Variants in ARAP3 observed in about 807,000 individuals in gnomAD.
ARAP3 encodes the protein ArfGAP with RhoGAP domain, ankyrin repeat and PH domain 3.
A neutral mutation model predicts 169.2 loss-of-function variants in ARAP3; 82 were observed. That is an observed-to-expected ratio of 0.48 (90% CI 0.41 to 0.58). The LOEUF is 0.58. Among genes scored for constraint, ARAP3 ranks in the 20% least tolerant of loss-of-function variants. The pLI, the probability that ARAP3 is intolerant of heterozygous loss-of-function variation, is 0.00. For synonymous variants in ARAP3, 791 were observed against 800.3 expected, an observed-to-expected ratio of 0.99 and a Z score of 0.20; for missense variants, 1,764 against 2,018.0, an observed-to-expected ratio of 0.87 and a Z score of 2.41.
Position 141,680,101 on chromosome 5 carries a change from G to C in ARAP3, c.386C>G (p.Pro129Arg). 6.2e-7 allele frequency: 1 copy of C among 1,613,458 alleles called. No homozygotes were observed. The highest frequency in any genetic ancestry group is 1.1e-5 in the South Asian group (1 of 91,038). ...AGGAGGAGGCCTTGGGCTGGGCTCT[G>C]GGCTCCTGGACACTCCTGGTCCCCC... ...ALGGPGVSRS[P>R]EPSPRPPPLP... is the part of the protein sequence containing the mutation. Residue 129 changes from proline (P) to arginine (R), a missense_variant, in exon 2 of 33, where the codon CCA becomes CGA. Transcript: ENST00000239440.
intron 16 of ARAP3, among the ~76,000 whole-genome samples, chr5:141,668,145 A>C (rs2099910922): frequency 6.6e-6 from 1 of 152,024 alleles, no homozygotes; most frequent in Admixed American, 6.6e-5. Context: ...ACAGGGCCTC[A>C]CTTAGGCTGG....
intron 16 of ARAP3, among the ~76,000 whole-genome samples, chr5:141,669,238 G>A (rs1257138813): frequency 6.6e-6 from 1 of 152,198 alleles, no homozygotes; most frequent in Non-Finnish European, 1.5e-5. Flanking sequence ...GCATACAGGA[G>A]AGAGATACTG....
In ARAP3 at chr5:141,671,972, G is replaced by A. The variant is rs778849352; in HGVS notation, c.1594C>T (p.Arg532Trp). 7 of 1,613,990 alleles carry A rather than the reference G, an allele frequency of 4.3e-6. No homozygotes were observed. Among genetic ancestry groups the A allele is most frequent in the African/African-American group, 1.3e-5 (1 of 74,884 alleles). The change falls in exon 11 of 33, where the codon CGG (arginine) becomes TGG (tryptophan). Residue 532 changes from arginine (R) to tryptophan (W), a missense_variant. This residue lies in a region of ARAP3 where 22 missense variants were observed against 53.6 expected (regional missense o/e 0.41). Coordinates refer to ENST00000239440, the MANE Select transcript of ARAP3 (RefSeq NM_022481.6). The surrounding 1 kb of genome is among the most constrained non-coding windows in gnomAD (Gnocchi z 4.9). The stretch of plus-strand genomic sequence containing the variant: ...TTGGAGATCCCAGAACCCAGGGCCC[G>A]GTGCTGACCTGTGAGGGTGTGAGGG... The part of the protein sequence containing the change: ...VICKQCAGQH[R>W]ALGSGISKVQ...
chr5:141,660,521 A>T (rs1229092193), intron 21 of ARAP3, among the ~76,000 whole-genome samples: 1 of 151,828 alleles, frequency 6.6e-6, no homozygotes, highest in Admixed American at 6.6e-5. Flanking sequence ...AAATATATAC[A>T]TGAATGGGTG....
intron 4 of ARAP3, among the ~76,000 whole-genome samples, chr5:141,676,655 G>A (rs370361891): frequency 3.3e-5 from 5 of 152,110 alleles, no homozygotes; most frequent in African/African-American, 1.2e-4. Flanking sequence ...TTGCTCCTAT[G>A]ACATCACATT....
At chr5:141,655,997 A>C in intron 29 of ARAP3, 65 bp from the exon 30 acceptor site, 3 of 1,613,718 alleles carry the variant, frequency 1.9e-6, no homozygotes, top group Non-Finnish European at 2.5e-6. Context: ...GGAGCATACA[A>C]AGAGGGAAGA....
At chr5:141,668,111 A>G (rs1030245051) in intron 16 of ARAP3, among the ~76,000 whole-genome samples, 4 of 151,360 alleles carry the variant, frequency 2.6e-5, no homozygotes, top group African/African-American at 9.7e-5. Flanking sequence ...GAAGAATACA[A>G]CCCGACCCGC....
chr5:141,678,615 C>G (rs6580198), intron 4 of ARAP3, among the ~76,000 whole-genome samples: 44,057 of 151,484 alleles, frequency 0.29, 6,696 homozygotes, highest in African/African-American at 0.38. Flanking sequence ...AGCCTCCTAA[C>G]TAGCTGGGAT....
In ARAP3 at chr5:141,659,909, G is replaced by A. The variant is rs1188296413; in HGVS notation, c.3137C>T (p.Ala1046Val). The change falls in exon 22 of 33, where the codon GCT becomes GTT. Residue 1046 changes from alanine (A) to valine (V), a missense_variant. Ala to Val is a moderately conservative substitution (Grantham distance 64). This residue lies in a region of ARAP3 where 1,112 missense variants were observed against 1,285.7 expected (regional missense o/e 0.86). Coordinates refer to ENST00000239440, the MANE Select transcript of ARAP3 (RefSeq NM_022481.6). Reference protein sequence around the residue: ...GHLYRVQKCAALNQMCTRNLA... With the variant: ...GHLYRVQKCAVLNQMCTRNLA... Reference sequence around the variant, plus strand: ...GTTCCGCGTGCACATCTGGTTTAGAGCCGCACATTTCTGCACCCTGCAGAG... The same window carrying A: ...GTTCCGCGTGCACATCTGGTTTAGAACCGCACATTTCTGCACCCTGCAGAG... 1 of 1,570,260 alleles carries A rather than the reference G, an allele frequency of 6.4e-7. No individual in the cohort carries two copies. Among genetic ancestry groups the A allele is most frequent in the Non-Finnish European group, 8.6e-7 (1 of 1,156,840 alleles).
At chr5:141,658,240 G>T in intron 25 of ARAP3, 125 bp downstream of exon 25, 1 of 882,346 alleles carries the variant, frequency 1.1e-6, no homozygotes, top group Non-Finnish European at 1.8e-6. Flanking sequence ...TCGCATGGAT[G>T]AGTGGATGAG....
In ARAP3 at chr5:141,661,754, T is replaced by G; in HGVS notation, c.3049A>C (p.Lys1017Gln). 6 of 1,614,194 alleles carry G rather than the reference T, an allele frequency of 3.7e-6. No individual in the cohort carries two copies. The highest frequency in any genetic ancestry group is 5.1e-6 in the Non-Finnish European group (6 of 1,180,048). Residue 1017 changes from lysine to glutamine, a missense_variant, in exon 21 of 33, where the codon AAA becomes CAA. By Grantham distance (53) the Lys-to-Gln change is moderately conservative. Around this residue, in one of 3 missense-constraint regions of ARAP3, gnomAD observed 1,112 missense variants for 1,285.7 expected, o/e 0.86. Coordinates refer to ENST00000239440, the MANE Select transcript of ARAP3 (RefSeq NM_022481.6). ...PQKNQRLEKY[K>Q]DVIGCLPRVN... Reference sequence around the variant, plus strand: ...CGCGGCAGGCAGCCAATCACATCTTTATATTTCTCCAGGCGCTGATTCTTC... The same window carrying G: ...CGCGGCAGGCAGCCAATCACATCTTGATATTTCTCCAGGCGCTGATTCTTC...
chr5:141,661,151 C>T (rs1596478948), intron 21 of ARAP3, among the ~76,000 whole-genome samples: 1 of 151,554 alleles, frequency 6.6e-6, no homozygotes, highest in East Asian at 1.9e-4. Context: ...GCAACCTCCA[C>T]CTCCTGTGCT....
intron 32 of ARAP3, 135 bp downstream of exon 32, chr5:141,655,225 TAC>T (rs148481472): frequency 0.15 from 74,374 of 481,584 alleles, 1,859 homozygotes; most frequent in East Asian, 0.21. Flanking sequence ...CCTGATGGCC[TAC>T]ACACACACAC....
intron 14 of ARAP3, 68 bp downstream of exon 14, chr5:141,670,444 C>A: frequency 6.7e-7 from 1 of 1,484,582 alleles, no homozygotes. Context: ...CTCTTTGTCC[C>A]TCTGCAGTAC....
Position 141,672,810 on chromosome 5 carries a change from C to A in ARAP3, c.1209G>T (p.Leu403=), listed in dbSNP as rs2099911626. Residue 403 remains leucine, a synonymous_variant, in exon 8 of 33, where the codon CTG becomes CTT. Coordinates refer to ENST00000239440, the MANE Select transcript of ARAP3 (RefSeq NM_022481.6). This position sits in a 1 kb window ranked among gnomAD's most constrained non-coding sequence, Gnocchi z 4.9. ...PRPLRTGMLE[L]RGHKAKVFAA... is the part of the protein sequence containing the mutation. The stretch of plus-strand genomic sequence containing the variant: ...CAAACACCTTGGCCTTGTGTCCACG[C>A]AGCTCCAGCATGCCCGTGCGGAGGG... The A allele has an allele frequency of 1.2e-6, 2 of 1,613,706 alleles. No individual in the cohort carries two copies. Among genetic ancestry groups the A allele is most frequent in the African/African-American group, 1.3e-5 (1 of 74,840 alleles).
At chr5:141,661,419 T>C (rs927873194) in intron 21 of ARAP3, among the ~76,000 whole-genome samples, 3 of 152,208 alleles carry the variant, frequency 2.0e-5, no homozygotes, top group African/African-American at 7.2e-5. Flanking sequence ...ACATCATCCA[T>C]TACTTCCTTT....
chr5:141,660,268 G>A (rs545472128), intron 21 of ARAP3, among the ~76,000 whole-genome samples: 152 of 152,164 alleles, frequency 1.0e-3, no homozygotes, highest in Non-Finnish European at 2.8e-4. Context: ...CGAGGCAGGC[G>A]GATCACGAGG....
At chr5:141,674,686 G>A (rs1240804050) in intron 4 of ARAP3, among the ~76,000 whole-genome samples, 2 of 152,184 alleles carry the variant, frequency 1.3e-5, no homozygotes, top group Non-Finnish European at 2.9e-5. Flanking sequence ...CCGTTAGTAT[G>A]ACTTGGATGG....
chr5:141,678,952 A>C (rs1175844115), intron 4 of ARAP3, among the ~76,000 whole-genome samples: 1 of 152,246 alleles, frequency 6.6e-6, no homozygotes, highest in South Asian at 2.1e-4. Context: ...CATCCGGTGC[A>C]TGATAGTTGC....
Sources: allele counts gnomAD v4.1 joint callset (sites outside exome capture counted in the v4.1 genomes callset), GRCh38; gene constraint gnomAD v4.1.1; regional missense constraint gnomAD v4.1.1; non-coding constraint Gnocchi (gnomAD v3.1); transcripts MANE v1.5; gene names NCBI Gene and HGNC (gene_info 2026-07-23, HGNC 2026-07-21).